THSD4: variants seen among roughly 807,000 people sequenced by gnomAD.
THSD4 encodes the protein thrombospondin type-1 domain-containing protein 4.
Under a neutral mutation model 119.0 loss-of-function variants are expected in THSD4, and 69 were observed. The ratio of observed to expected loss-of-function variants is 0.58; its 90% CI spans 0.48 to 0.71. The LOEUF is 0.71. Ranked by LOEUF, THSD4 falls within the 30% of genes least tolerant of loss-of-function variation. THSD4 has a pLI of 0.00. For missense variants in THSD4, 1,393 were observed against 1,391.1 expected (o/e 1.00, Z -0.02); for synonymous variants, 524 against 540.4 (o/e 0.97, Z 0.42).
intron 7 of THSD4, among the ~76,000 whole-genome samples, chr15:71,578,871 T>C (rs2049506314): frequency 7.4e-6 from 1 of 134,266 alleles, no homozygotes; most frequent in South Asian, 2.4e-4. Flanking sequence ...TGAGACGGAG[T>C]CTTGCTGTGT....
chr15:71,101,335 ATCT>A (rs2040252785), intron 1 of THSD4, among the ~76,000 whole-genome samples: 1 of 152,198 alleles, frequency 6.6e-6, no homozygotes, highest in African/African-American at 2.4e-5. Context: ...TAAATATTAG[ATCT>A]TCTCACCATA....
At chr15:71,250,796 T>A (rs2044251698) in intron 5 of THSD4, among the ~76,000 whole-genome samples, 1 of 152,202 alleles carries the variant, frequency 6.6e-6, no homozygotes, top group African/African-American at 2.4e-5. Context: ...TTTAAAAATC[T>A]ATGATTGGCC....
intron 3 of THSD4, among the ~76,000 whole-genome samples, chr15:71,212,846 G>T (rs1490637691): frequency 6.6e-6 from 1 of 152,170 alleles, no homozygotes; most frequent in African/African-American, 2.4e-5. Flanking sequence ...GTGGCTGGGG[G>T]AGCTGAGGGG....
chr15:71,396,604 T>C (rs2046458474), intron 6 of THSD4, among the ~76,000 whole-genome samples: 1 of 152,140 alleles, frequency 6.6e-6, no homozygotes, highest in South Asian at 2.1e-4. Flanking sequence ...ATATATCCGC[T>C]CAGATAGTTA....
intron 6 of THSD4, among the ~76,000 whole-genome samples, chr15:71,397,080 C>G (rs2046463819): frequency 6.6e-6 from 1 of 152,220 alleles, no homozygotes; most frequent in Non-Finnish European, 1.5e-5. Flanking sequence ...GAACAATGGT[C>G]TTGCATGACC....
At chr15:71,364,155 G>A (rs937214304) in intron 6 of THSD4, among the ~76,000 whole-genome samples, 1 of 152,158 alleles carries the variant, frequency 6.6e-6, no homozygotes. Flanking sequence ...GAAGTGGGGT[G>A]GGGTGGACAA....
intron 8 of THSD4, among the ~76,000 whole-genome samples, chr15:71,674,110 G>C (rs187506357): frequency 7.0e-4 from 107 of 152,266 alleles, no homozygotes; most frequent in African/African-American, 2.5e-3. Flanking sequence ...TCAGAGAATG[G>C]TTTCTCTAGG....
In THSD4 at chr15:71,332,892, A is replaced by ATTTTTTTTTTTTTTTTTTTTTTTTT; in HGVS notation, c.1015+76193_1015+76194insTTTTTTTTTTTTTTTTTTTTTTTTT. Among the ~76,000 whole-genome samples the ATTTTTTTTTTTTTTTTTTTTTTTTT allele has an allele frequency of 2.7e-3, 208 of 76,986 alleles. 28 individuals carry two copies. The highest frequency in any genetic ancestry group is 3.6e-3 in the Non-Finnish European group (138 of 38,864). 50.5% of individuals were successfully genotyped at this position (76,986 alleles called of 152,430 possible). ...TCTTAAAACATTGAGATTTTTTTAC[A>ATTTTTTTTTTTTTTTTTTTTTTTTT]TTTTTTTTTTTTTTTTAGTTCATCA... On this transcript the variant is annotated intron_variant, in intron 6 of 17. Coordinates refer to ENST00000261862, the MANE Select transcript of THSD4 (RefSeq NM_024817.3).
chr15:71,714,980 C>G (rs1236374964), intron 8 of THSD4, among the ~76,000 whole-genome samples: 1 of 152,144 alleles, frequency 6.6e-6, no homozygotes, highest in African/African-American at 2.4e-5. Context: ...AGTGGGTGGA[C>G]AAGCTGCCAT....
intron 3 of THSD4, among the ~76,000 whole-genome samples, chr15:71,200,425 T>A (rs1172484503): frequency 2.0e-5 from 3 of 152,118 alleles, no homozygotes; most frequent in African/African-American, 7.2e-5. Flanking sequence ...GATGGTATTA[T>A]GGCCGAGGAC....
chr15:71,439,282 G>T (rs1304110506), intron 7 of THSD4, among the ~76,000 whole-genome samples: 1 of 152,154 alleles, frequency 6.6e-6, no homozygotes, highest in African/African-American at 2.4e-5. Context: ...CTAATGGCTT[G>T]AAATTTACTA....
intron 1 of THSD4, among the ~76,000 whole-genome samples, chr15:71,131,157 G>A (rs2040500575): frequency 6.6e-6 from 1 of 152,156 alleles, no homozygotes; most frequent in South Asian, 2.1e-4. Context: ...TTTGAATCAT[G>A]ATGACAAAAT....
chr15:71,097,995 A>C (rs1172854067), intron 1 of THSD4, among the ~76,000 whole-genome samples: 1 of 151,894 alleles, frequency 6.6e-6, no homozygotes, highest in Non-Finnish European at 1.5e-5. Context: ...TTTCACAGGG[A>C]CAATACACTT....
At chr15:71,662,664 G>C (rs2140999823) in intron 8 of THSD4, among the ~76,000 whole-genome samples, 1 of 152,196 alleles carries the variant, frequency 6.6e-6, no homozygotes, top group South Asian at 2.1e-4. Flanking sequence ...ATAAAAAATA[G>C]ACATTCTGGG....
intron 15 of THSD4, among the ~76,000 whole-genome samples, chr15:71,759,112 C>CAT (rs2053590337): frequency 6.6e-6 from 1 of 152,176 alleles, no homozygotes; most frequent in Non-Finnish European, 1.5e-5. Context: ...TGTGAAAGTG[C>CAT]ATGTGGTATA....
intron 6 of THSD4, among the ~76,000 whole-genome samples, chr15:71,385,631 T>C (rs1156894612): frequency 6.6e-6 from 1 of 152,268 alleles, no homozygotes; most frequent in East Asian, 1.9e-4. Context: ...CCACCTGTGA[T>C]TGACTGAAAC....
intron 7 of THSD4, among the ~76,000 whole-genome samples, chr15:71,601,940 G>A (rs933022991): frequency 7.2e-5 from 11 of 152,232 alleles, no homozygotes; most frequent in Non-Finnish European, 1.2e-4. Context: ...TAGACTGAAA[G>A]GGCTTTTTTT....
chr15:71,777,853 A>G lies in THSD4; in HGVS notation c.*479A>G, dbSNP rs192196466. 126 of 171,150 alleles carry G rather than the reference A, an allele frequency of 7.4e-4. No individual in the cohort carries two copies. The highest frequency in any genetic ancestry group is 2.8e-3 in the African/African-American group (118 of 42,656). 10.6% of individuals were successfully genotyped at this position (171,150 alleles called of 1,614,324 possible). On this transcript the variant is annotated 3_prime_UTR_variant, in exon 18 of 18. Transcript: ENST00000261862. ...CACGCGTGCATCCCTCTGTGACCTC[A>G]GCCCAGATGTGCCTGTTTTCATTCT...
chr15:71,427,512 G>A (rs936396757), intron 7 of THSD4, among the ~76,000 whole-genome samples: 3 of 150,906 alleles, frequency 2.0e-5, no homozygotes, highest in African/African-American at 7.3e-5. Context: ...TCCAGGGAGG[G>A]CAGGAGTCCA....
Sources: gnomAD v4.1 joint callset for allele counts (sites outside exome capture counted in the v4.1 genomes callset) on GRCh38, gnomAD v4.1.1 for gene constraint, MANE v1.5 for transcripts, NCBI Gene and HGNC (gene_info 2026-07-23, HGNC 2026-07-21) for gene names.